The following SI variants were observed in gnomAD, a reference collection of about 807,000 sequenced individuals.
The protein encoded by SI is sucrase-isomaltase, intestinal.
Under a neutral mutation model 253.3 loss-of-function variants are expected in SI, and 235 were observed. The observed-to-expected ratio is 0.93, with a 90% CI of 0.83 to 1.03. The LOEUF (loss-of-function observed/expected upper bound fraction) is 1.03, where lower values mean the gene tolerates loss of function less well. Ranked by LOEUF, SI falls within the 50% of genes least tolerant of loss-of-function variation. The pLI is 0.00. For missense variants in SI, 2,442 were observed against 2,211.1 expected (o/e 1.10, Z -2.09); for synonymous variants, 819 against 712.0 (o/e 1.15, Z -2.39).
At chr3:165,047,051 A>C in intron 15 of SI, 39 bp from the exon 16 acceptor site, 1 of 1,442,832 alleles carries the variant, frequency 6.9e-7, no homozygotes, top group Non-Finnish European at 9.5e-7. Context: ...AATTTATTTT[A>C]AAAAATAAAG....
rs1234989843 is a variant in SI at position 164,979,101 on chromosome 3, G to C, written c.*261C>G. 2.7e-6 allele frequency: 1 copy of C among 368,228 alleles called. No homozygotes were observed. The highest frequency in any genetic ancestry group is 5.0e-6 in the Non-Finnish European group (1 of 201,494). The allele number at this position is 368,228 out of a possible 1,614,324, so 22.8% of individuals were successfully genotyped here. On this transcript the variant is annotated 3_prime_UTR_variant, in exon 48 of 48. Coordinates refer to ENST00000264382, the MANE Select transcript of SI (RefSeq NM_001041.4). ...TATTTACATACATGTTTAGTAACTA[G>C]TTTACAATTGTAGCTGATACTTAAC... is the stretch of plus-strand genomic sequence containing the variant.
At chr3:165,086,436 A>T in the SI span, among the ~76,000 whole-genome samples, 1 of 152,194 alleles carries the variant, frequency 6.6e-6, no homozygotes, top group African/African-American at 2.4e-5. Flanking sequence ...ACATGCTTTA[A>T]TGAGAATAAT....
chr3:165,058,592 T>C (rs1442431670), intron 12 of SI, among the ~76,000 whole-genome samples: 1 of 151,794 alleles, frequency 6.6e-6, no homozygotes, highest in Non-Finnish European at 1.5e-5. Context: ...AAAGGAGACA[T>C]GACAACAGAT....
intron 16 of SI, among the ~76,000 whole-genome samples, chr3:165,044,137 A>T (rs907011579): frequency 1.3e-5 from 2 of 152,016 alleles, no homozygotes; most frequent in Non-Finnish European, 2.9e-5. Context: ...TATGAAACAT[A>T]AATTTGCTCA....
intron 47 of SI, 48 bp downstream of exon 47, chr3:164,982,195 T>A: frequency 1.4e-6 from 2 of 1,422,000 alleles, no homozygotes; most frequent in Non-Finnish European, 2.0e-6. Flanking sequence ...TCCATGTAGA[T>A]GCTTTAAATA....
chr3:165,071,487 G>T (rs1487319425), intron 3 of SI, among the ~76,000 whole-genome samples: 3 of 150,814 alleles, frequency 2.0e-5, no homozygotes, highest in Non-Finnish European at 3.0e-5. Context: ...TACATTATAA[G>T]TGATTATATA....
chr3:165,076,978 GTTTTTTT>G (rs770851693), intron 1 of SI, among the ~76,000 whole-genome samples: 1 of 106,906 alleles, frequency 9.4e-6, no homozygotes, highest in Non-Finnish European at 2.1e-5. Context: ...ATCACGGTTT[GTTTTTTT>G]TTTTTTTTTT....
intron 40 of SI, among the ~76,000 whole-genome samples, chr3:164,996,225 C>T (rs999494340): frequency 9.9e-5 from 15 of 151,804 alleles, no homozygotes; most frequent in African/African-American, 1.4e-4. Flanking sequence ...TAAAGGCCAG[C>T]TCTGTCTTTA....
At chr3:165,021,721 C>T (rs1176026053) in intron 26 of SI, among the ~76,000 whole-genome samples, 1 of 151,494 alleles carries the variant, frequency 6.6e-6, no homozygotes, top group Non-Finnish European at 1.5e-5. Flanking sequence ...GAAGTTGTTT[C>T]AATATTTTTT....
At chr3:165,070,049 GAC>G (rs375210663) in intron 3 of SI, among the ~76,000 whole-genome samples, 9 of 146,140 alleles carry the variant, frequency 6.2e-5, no homozygotes, top group South Asian at 2.1e-4. Context: ...ATCAGATACA[GAC>G]ACACACACAC....
rs1158965308 is a variant in SI at position 164,979,193 on chromosome 3, A to G, written c.*169T>C. ...AAAATTGAATCCAAGTCACATTACT[A>G]TAATAAAATTAGCATTATCATTGAT... On this transcript the variant is annotated 3_prime_UTR_variant, in exon 48 of 48. Coordinates refer to ENST00000264382, the MANE Select transcript of SI (RefSeq NM_001041.4). The G allele has an allele frequency of 2.8e-5, 17 of 606,540 alleles. No individual in the cohort carries two copies. The highest frequency in any genetic ancestry group is 3.9e-5 in the Non-Finnish European group (13 of 336,222). 37.6% of individuals were successfully genotyped at this position (606,540 alleles called of 1,614,324 possible). A position where few individuals can be genotyped will look rare whatever the true frequency, so the allele number is the denominator to read the frequency against.
intron 32 of SI, 118 bp from the exon 33 acceptor site, chr3:165,015,351 A>ATT: frequency 1.4e-6 from 1 of 724,886 alleles, no homozygotes; most frequent in Non-Finnish European, 2.5e-6. Flanking sequence ...CTCTCACATT[A>ATT]AATGACAAAT....
chr3:165,072,823 T>G (rs1714670490), intron 3 of SI, among the ~76,000 whole-genome samples: 1 of 126,716 alleles, frequency 7.9e-6, no homozygotes, highest in Non-Finnish European at 1.7e-5. Context: ...ACCATTTAAA[T>G]GATAATCTCT....
Position 165,062,401 on chromosome 3 carries a change from T to G in SI, c.990A>C (p.Thr330=). The G allele has an allele frequency of 6.3e-7, 1 of 1,591,184 alleles. No homozygotes were observed. Among genetic ancestry groups the G allele is most frequent in the Non-Finnish European group, 8.6e-7 (1 of 1,159,790 alleles). The change falls in exon 9 of 48, where the codon ACA becomes ACC. Residue 330 remains threonine, a synonymous_variant. Transcript: ENST00000264382. ...GATACTGTTGAACTACTTGTTCTGG[T>G]GTATCTCCTAGAAGGATGTAAAAAT... is the stretch of plus-strand genomic sequence containing the variant. ...ILDFYILLGD[T]PEQVVQQYQQ...
At chr3:165,003,424 T>C (rs988323574) in intron 37 of SI, among the ~76,000 whole-genome samples, 9 of 152,022 alleles carry the variant, frequency 5.9e-5, no homozygotes, top group African/African-American at 2.2e-4. Flanking sequence ...AAAAGTAACA[T>C]TTGCCCCAGT....
intron 27 of SI, 64 bp from the exon 28 acceptor site, chr3:165,019,834 T>A: frequency 7.4e-7 from 1 of 1,344,508 alleles, no homozygotes; most frequent in African/African-American, 1.4e-5. Context: ...TCACAAATAA[T>A]AACGGTAATT....
Position 165,069,081 on chromosome 3 carries a change from T to C in SI, c.370A>G (p.Ile124Val), listed in dbSNP as rs943419067. The change falls in exon 4 of 48, where the codon ATT (isoleucine) becomes GTT (valine). Residue 124 changes from isoleucine (I) to valine (V), a missense_variant. Physicochemically the swap from Ile to Val is conservative, Grantham distance 29. Transcript: ENST00000264382. Reference sequence around the variant, plus strand: ...ATTATAACAGAGGACTTCTTACCAATACTTGTTGTTGTCATGTCTTGAACG... The same window carrying C: ...ATTATAACAGAGGACTTCTTACCAACACTTGTTGTTGTCATGTCTTGAACG... ...YNVQDMTTTS[I>V]GVEAKLNRIP... is the part of the protein sequence containing the mutation. 5 of 1,593,778 alleles carry C rather than the reference T, an allele frequency of 3.1e-6. No homozygotes were observed. The African/African-American group carries it at 4.0e-5, about 13-fold the overall frequency.
chr3:165,072,294 G>A (rs1714630144), intron 3 of SI, among the ~76,000 whole-genome samples: 1 of 151,786 alleles, frequency 6.6e-6, no homozygotes, highest in Admixed American at 6.6e-5. Context: ...ATATATTTAA[G>A]ATGATAAATA....
At chr3:165,053,281 A>G (rs1161594021) in intron 13 of SI, among the ~76,000 whole-genome samples, 1 of 152,110 alleles carries the variant, frequency 6.6e-6, no homozygotes, top group Non-Finnish European at 1.5e-5. Flanking sequence ...ATTTAAACCT[A>G]AAATTCACAA....
Sources: allele counts gnomAD v4.1 joint callset (sites outside exome capture counted in the v4.1 genomes callset), GRCh38; gene constraint gnomAD v4.1.1; transcripts MANE v1.5; gene names NCBI Gene and HGNC (gene_info 2026-07-23, HGNC 2026-07-21).